RSPH14: variants seen among roughly 807,000 people sequenced by gnomAD.
RSPH14 encodes radial spoke head 14 homolog, also known as rhabdoid tumor deletion region gene 1.
Under a neutral mutation model 26.7 loss-of-function variants are expected in RSPH14, and 20 were observed. That is an observed-to-expected ratio of 0.75 (90% confidence interval 0.53 to 1.09). RSPH14 has a LOEUF of 1.09. RSPH14 is among the 50% of genes least tolerant of loss of function. The pLI is 0.00. For synonymous variants in RSPH14, 177 were observed against 189.3 expected (o/e 0.93, Z 0.53); for missense variants, 449 against 457.2 (o/e 0.98, Z 0.16).
chr22:23,167,491 A>T, the RSPH14 span, among the ~76,000 whole-genome samples: 510 of 152,048 alleles, frequency 3.4e-3, 1 homozygote, highest in African/African-American at 0.011. Context: ...AGGCCTCTGG[A>T]GTGGAGAGGA....
At chr22:23,111,082 G>A (rs566125526) in intron 4 of RSPH14, among the ~76,000 whole-genome samples, 2 of 152,358 alleles carry the variant, frequency 1.3e-5, no homozygotes, top group African/African-American at 4.8e-5. Flanking sequence ...TGGGGGGCCT[G>A]CGCGCCTTCC....
intron 1 of RSPH14, 54 bp from the exon 2 acceptor site, chr22:23,140,526 C>G: frequency 6.7e-7 from 1 of 1,492,200 alleles, no homozygotes; most frequent in Non-Finnish European, 8.9e-7. Context: ...AAAGCTACTT[C>G]TCATCTGATC....
the RSPH14 span, among the ~76,000 whole-genome samples, chr22:23,171,941 A>G: frequency 6.6e-6 from 1 of 152,032 alleles, no homozygotes; most frequent in East Asian, 1.9e-4. Flanking sequence ...TCAGCTTCCT[A>G]TCTAACAGGC....
chr22:23,125,591 G>A (rs1450484985), intron 4 of RSPH14, among the ~76,000 whole-genome samples: 1 of 152,168 alleles, frequency 6.6e-6, no homozygotes, highest in Non-Finnish European at 1.5e-5. Flanking sequence ...TTCACCGAGG[G>A]CCTGCTGCGA....
the RSPH14 span, among the ~76,000 whole-genome samples, chr22:23,157,508 C>T: frequency 6.6e-6 from 1 of 152,158 alleles, no homozygotes; most frequent in African/African-American, 2.4e-5. Flanking sequence ...ATCCACCCGC[C>T]TCAGCCTCCC....
chr22:23,091,343 C>T (rs897741124), intron 4 of RSPH14, among the ~76,000 whole-genome samples: 8 of 152,056 alleles, frequency 5.3e-5, no homozygotes, highest in African/African-American at 1.7e-4. Context: ...CCTGCATACA[C>T]ATAGGCACCT....
intron 2 of RSPH14, among the ~76,000 whole-genome samples, chr22:23,139,183 C>A (rs1412077992): frequency 6.6e-6 from 1 of 152,258 alleles, no homozygotes; most frequent in Non-Finnish European, 1.5e-5. Context: ...TGACTTCTCA[C>A]AAAGTCTGTC....
the RSPH14 span, among the ~76,000 whole-genome samples, chr22:23,166,147 T>TTA: frequency 3.3e-5 from 2 of 59,888 alleles, no homozygotes; most frequent in Non-Finnish European, 5.6e-5. Context: ...CTCTGTCTTT[T>TTA]AAAAAAAAAA....
At chr22:23,110,384 C>T (rs1043873380) in intron 4 of RSPH14, among the ~76,000 whole-genome samples, 3 of 152,198 alleles carry the variant, frequency 2.0e-5, no homozygotes, top group Admixed American at 6.5e-5. Flanking sequence ...GTGACAAGAG[C>T]GAGCCACGTT....
chr22:23,164,730 C>A, the RSPH14 span, among the ~76,000 whole-genome samples: 1 of 152,146 alleles, frequency 6.6e-6, no homozygotes, highest in South Asian at 2.1e-4. Flanking sequence ...TTCCCTGTTT[C>A]CCTGGACCCT....
At chr22:23,149,974 T>C, upstream of RSPH14, 1 of 1,030,606 alleles carries the variant, frequency 9.7e-7, no homozygotes, top group Non-Finnish European at 1.5e-6. Context: ...GAAGGAAGGC[T>C]GGGAAGATCA....
chr22:23,145,140 A>G, upstream of RSPH14: 1 of 585,802 alleles, frequency 1.7e-6, no homozygotes, highest in South Asian at 2.1e-5. Context: ...CTTATGCCAT[A>G]ACCGCCCAAC....
chr22:23,159,188 A>T, the RSPH14 span: 1 of 1,611,080 alleles, frequency 6.2e-7, no homozygotes, highest in African/African-American at 1.3e-5. Context: ...GAGCAGGCCG[A>T]AGCAGACGCT....
At chr22:23,124,095 G>T in intron 4 of RSPH14, 1 of 214,220 alleles carries the variant, frequency 4.7e-6, no homozygotes, top group South Asian at 5.3e-5. Context: ...AAAACGAGTG[G>T]CACGATTTAT....
chr22:23,152,562 C>G, the RSPH14 span: 2 of 1,597,396 alleles, frequency 1.3e-6, no homozygotes, highest in Middle Eastern at 1.7e-4. Flanking sequence ...GCCACCTCCC[C>G]CAGCACCAGG....
chr22:23,076,986 T>C (rs958256383), intron 4 of RSPH14, among the ~76,000 whole-genome samples: 1 of 152,210 alleles, frequency 6.6e-6, no homozygotes, highest in Non-Finnish European at 1.5e-5. Flanking sequence ...AGTGTACAGA[T>C]AGTTTCCTTC....
rs759494478 is a variant in RSPH14 at position 23,127,045 on chromosome 22, C to A, written c.421+6981G>T. On this transcript the variant is annotated intron_variant, in intron 4 of 6. Coordinates refer to ENST00000216036, the MANE Select transcript of RSPH14 (RefSeq NM_014433.3). ...GAGAGGCGATGACTTATCAGCATCACACAATGTGACCCCACCAGGCCAGGA... is the reference window on the plus strand; with the variant it reads ...GAGAGGCGATGACTTATCAGCATCAAACAATGTGACCCCACCAGGCCAGGA... Among the ~76,000 whole-genome samples the A allele has an allele frequency of 2.0e-5, 3 of 152,178 alleles. No individual in the cohort carries two copies. In the South Asian group the frequency reaches 6.2e-4, roughly 31 times the overall value.
rs149710847 is a variant in RSPH14, at chr22:23,102,567, G to A, written c.421+31459C>T. 4.1e-3 allele frequency among the ~76,000 whole-genome samples: 627 copies of A among 152,324 alleles called. 4 individuals carry two copies. The highest frequency in any genetic ancestry group is 0.014 in the African/African-American group (598 of 41,576). On this transcript the variant is annotated intron_variant, in intron 4 of 6. Coordinates refer to ENST00000216036, the MANE Select transcript of RSPH14 (RefSeq NM_014433.3). ...AGAGGTCAGCCACAAGGCAAGAGGC[G>A]GCAGGGCCCTGGGCTCAAGCCCTGC... is the stretch of plus-strand genomic sequence containing the variant.
the RSPH14 span, among the ~76,000 whole-genome samples, chr22:23,173,196 G>A: frequency 2.3e-4 from 34 of 147,258 alleles, no homozygotes; most frequent in African/African-American, 7.5e-4. Flanking sequence ...GTGCAGTGGC[G>A]CGATCTCCGC....
Sources: gnomAD v4.1 joint callset for allele counts (sites outside exome capture counted in the v4.1 genomes callset) on GRCh38, gnomAD v4.1.1 for gene constraint, MANE v1.5 for transcripts, NCBI Gene and HGNC (gene_info 2026-07-23, HGNC 2026-07-21) for gene names.